Variants in CERS3 observed in about 807,000 individuals in gnomAD.
CERS3 encodes the protein ceramide synthase 3.
A neutral mutation model predicts 50.3 loss-of-function variants in CERS3; 33 were observed. That is an observed-to-expected ratio of 0.66 (90% CI 0.50 to 0.88). The LOEUF (loss-of-function observed/expected upper bound fraction) is 0.88. Ranked by LOEUF, CERS3 falls within the 40% of genes least tolerant of loss-of-function variation. The pLI, the probability that CERS3 is intolerant of heterozygous loss-of-function variation, is 0.00. For synonymous variants in CERS3, 176 were observed against 155.2 expected, an observed-to-expected ratio of 1.13 and a Z score of -0.99; for missense variants, 470 against 460.3, an observed-to-expected ratio of 1.02 and a Z score of -0.19.
At chr15:100,487,083 CAA>C (rs1304899970) in intron 4 of CERS3, among the ~76,000 whole-genome samples, 1 of 152,012 alleles carries the variant, frequency 6.6e-6, no homozygotes, top group Admixed American at 6.6e-5. Context: ...TCCTTGCAAA[CAA>C]AAGTGTCTAA....
At chr15:100,443,165 TC>T (rs1246367310) in intron 11 of CERS3, among the ~76,000 whole-genome samples, 1 of 149,816 alleles carries the variant, frequency 6.7e-6, no homozygotes, top group African/African-American at 2.4e-5. Flanking sequence ...TCCTCTTGTA[TC>T]CCCCTACCTT....
chr15:100,516,121 C>T (rs1455757635), intron 2 of CERS3, among the ~76,000 whole-genome samples: 1 of 152,162 alleles, frequency 6.6e-6, no homozygotes, highest in Non-Finnish European at 1.5e-5. Context: ...TCTGCAAAGA[C>T]CTCCTGTGTG....
intron 1 of CERS3, among the ~76,000 whole-genome samples, chr15:100,522,851 T>G (rs959397002): frequency 2.6e-5 from 4 of 152,024 alleles, no homozygotes; most frequent in African/African-American, 9.7e-5. Context: ...TACCTGGGAG[T>G]GGAAACGCCA....
At position 100,483,497 on chromosome 15, in the gene CERS3, G is replaced by A. The variant is rs376353589; in HGVS notation, c.407+1053C>T. Among the ~76,000 whole-genome samples, 8 of 152,194 alleles carry A rather than the reference G, an allele frequency of 5.3e-5. No homozygotes were observed. In the East Asian group the frequency reaches 1.5e-3, roughly 29 times the overall value. On this transcript the variant is annotated intron_variant, in intron 5 of 11. Coordinates refer to ENST00000679737, the MANE Select transcript of CERS3 (RefSeq NM_001378789.1). ...ATTCCCTTCTCCAGCCTGAACTCTG[G>A]AAGAATTTTAGTAGGCTTACTGACA...
intron 4 of CERS3, among the ~76,000 whole-genome samples, chr15:100,490,174 CATT>C (rs1567657407): frequency 6.6e-6 from 1 of 152,148 alleles, no homozygotes; most frequent in Non-Finnish European, 1.5e-5. Flanking sequence ...CTTACTTAGA[CATT>C]ATTTTTTTAA....
At chr15:100,443,501 A>G (rs564997216) in intron 11 of CERS3, among the ~76,000 whole-genome samples, 1 of 149,126 alleles carries the variant, frequency 6.7e-6, no homozygotes, top group African/African-American at 2.5e-5. Context: ...CCTATCCTCA[A>G]TACCTCACTC....
At chr15:100,522,374 G>A (rs2036663917) in intron 1 of CERS3, among the ~76,000 whole-genome samples, 1 of 152,132 alleles carries the variant, frequency 6.6e-6, no homozygotes, top group Admixed American at 6.5e-5. Flanking sequence ...TGCAGTCCTG[G>A]TATCAGTATT....
intron 3 of CERS3, among the ~76,000 whole-genome samples, chr15:100,492,052 T>G (rs1477234070): frequency 1.3e-4 from 20 of 152,172 alleles, no homozygotes; most frequent in Admixed American, 1.3e-3. Flanking sequence ...TTTATTTCAT[T>G]GTGGTTGGAA....
At chr15:100,437,121 A>G (rs2033451474) in intron 11 of CERS3, among the ~76,000 whole-genome samples, 1 of 151,348 alleles carries the variant, frequency 6.6e-6, no homozygotes, top group Non-Finnish European at 1.5e-5. Flanking sequence ...TTTTTTTTGT[A>G]TTTTTAGTAG....
rs148332827 is a variant in CERS3, at chr15:100,510,696, A to G, written c.-1-8846T>C. On this transcript the variant is annotated intron_variant, in intron 2 of 11. Transcript: ENST00000679737. ...ATTTGCATAATCTCCCTAAAGACCA[A>G]GCTGCATGTCCTGGTTTCTCTCTGC... Among the ~76,000 whole-genome samples, 180 of 152,288 alleles carry G rather than the reference A, an allele frequency of 1.2e-3. 1 individual carries two copies. The highest frequency in any genetic ancestry group is 1.7e-3 in the Non-Finnish European group (119 of 68,032).
chr15:100,403,105 T>G (rs1228658872), intron 11 of CERS3, among the ~76,000 whole-genome samples: 1 of 151,914 alleles, frequency 6.6e-6, no homozygotes, highest in African/African-American at 2.4e-5. Flanking sequence ...GAAACCAATA[T>G]CAAAAATAGG....
At chr15:100,482,426 G>A (rs2035334699) in intron 5 of CERS3, among the ~76,000 whole-genome samples, 1 of 152,024 alleles carries the variant, frequency 6.6e-6, no homozygotes, top group African/African-American at 2.4e-5. Context: ...AGTGGGCCGT[G>A]GACTGCATGG....
intron 11 of CERS3, among the ~76,000 whole-genome samples, chr15:100,430,961 T>C (rs80278866): frequency 3.4e-4 from 52 of 152,292 alleles, no homozygotes; most frequent in Non-Finnish European, 6.2e-4. Flanking sequence ...CTTCCCAAAC[T>C]GTAACATGCT....
intron 11 of CERS3, among the ~76,000 whole-genome samples, chr15:100,449,535 G>A (rs566263432): frequency 2.0e-5 from 3 of 152,272 alleles, no homozygotes; most frequent in Non-Finnish European, 4.4e-5. Flanking sequence ...GGGGCCCAAG[G>A]ACTAGCCCAC....
At chr15:100,459,145 T>C (rs1481006759) in intron 10 of CERS3, among the ~76,000 whole-genome samples, 1 of 152,240 alleles carries the variant, frequency 6.6e-6, no homozygotes, top group African/African-American at 2.4e-5. Context: ...AGCCATAGCC[T>C]GCCAACCCCT....
intron 11 of CERS3, among the ~76,000 whole-genome samples, chr15:100,449,051 G>A (rs976477669): frequency 2.6e-4 from 40 of 152,268 alleles, no homozygotes; most frequent in African/African-American, 8.2e-4. Flanking sequence ...CAGCACATGC[G>A]TGCACCACAG....
rs74042219 is a variant in CERS3, at chr15:100,516,051, G to T, written c.-2+5616C>A. Among the ~76,000 whole-genome samples, 324 of 152,226 alleles carry T rather than the reference G, an allele frequency of 2.1e-3. 2 individuals carry two copies. The highest frequency in any genetic ancestry group is 7.1e-3 in the African/African-American group (296 of 41,544). ...GCCAGTAAGTCACAAAGGGCCTAAG[G>T]TTAGTCACCTGGTTCTGTCTCAGTT... On this transcript the variant is annotated intron_variant, in intron 2 of 11. Transcript: ENST00000679737.
intron 11 of CERS3, among the ~76,000 whole-genome samples, chr15:100,441,247 T>G (rs1295512394): frequency 4.3e-5 from 6 of 140,248 alleles, no homozygotes; most frequent in South Asian, 4.7e-4. Flanking sequence ...TCTGTGCCCC[T>G]ACCCCTTATT....
chr15:100,417,451 T>C (rs1258343324), intron 11 of CERS3, among the ~76,000 whole-genome samples: 3 of 152,012 alleles, frequency 2.0e-5, no homozygotes, highest in South Asian at 2.1e-4. Context: ...GTCTCGCTGA[T>C]TGCTAGCACA....
Sources: allele counts gnomAD v4.1 joint callset (sites outside exome capture counted in the v4.1 genomes callset), GRCh38; gene constraint gnomAD v4.1.1; transcripts MANE v1.5; gene names NCBI Gene and HGNC (gene_info 2026-07-23, HGNC 2026-07-21).